Variants in FRMD6 observed in about 807,000 individuals in gnomAD.
The protein encoded by FRMD6 is FERM domain-containing protein 6.
Under a neutral mutation model 73.2 loss-of-function variants are expected in FRMD6, and 37 were observed. The ratio of observed to expected loss-of-function variants is 0.51; its 90% CI spans 0.39 to 0.66. The LOEUF is 0.66. FRMD6 is among the 30% of genes least tolerant of loss of function. The pLI, the probability that FRMD6 is intolerant of heterozygous loss-of-function variation, is 0.00. For synonymous variants in FRMD6, 273 were observed against 282.2 expected, an observed-to-expected ratio of 0.97 and a Z score of 0.33; for missense variants, 714 against 780.5, an observed-to-expected ratio of 0.91 and a Z score of 1.02.
the FRMD6 span, among the ~76,000 whole-genome samples, chr14:51,439,454 G>T: frequency 6.6e-6 from 1 of 151,958 alleles, no homozygotes; most frequent in Non-Finnish European, 1.5e-5. Context: ...TTTATTCCAA[G>T]TAGGTACGTC....
the FRMD6 span, among the ~76,000 whole-genome samples, chr14:51,470,569 A>G: frequency 6.6e-6 from 1 of 151,712 alleles, no homozygotes; most frequent in African/African-American, 2.4e-5. Flanking sequence ...TTGTCTGTCT[A>G]TTTTGGTTAT....
intron 2 of FRMD6, chr14:51,584,055 ATATACT>A (rs1052039130): frequency 1.3e-5 from 2 of 152,224 alleles, no homozygotes; most frequent in Non-Finnish European, 2.9e-5. Context: ...TAGTGCATTC[ATATACT>A]TATAACACTA....
At chr14:51,526,976 T>C (rs892658607) in intron 1 of FRMD6, among the ~76,000 whole-genome samples, 1 of 152,226 alleles carries the variant, frequency 6.6e-6, no homozygotes, top group Non-Finnish European at 1.5e-5. Context: ...TAGATGAGTA[T>C]GGGAATGATG....
chr14:51,488,572 C>G (rs1461599505), upstream of FRMD6, among the ~76,000 whole-genome samples: 3 of 152,192 alleles, frequency 2.0e-5, no homozygotes, highest in African/African-American at 7.2e-5. Context: ...AAACATGGAG[C>G]TTCTATAATG....
intron 4 of FRMD6, 40 bp downstream of exon 4, chr14:51,701,199 T>TA: frequency 8.1e-7 from 1 of 1,235,136 alleles, no homozygotes; most frequent in Non-Finnish European, 1.1e-6. Context: ...TTGATTTTTT[T>TA]TAAAAAATGT....
intron 2 of FRMD6, among the ~76,000 whole-genome samples, chr14:51,578,666 G>T (rs1888537501): frequency 6.6e-6 from 1 of 152,190 alleles, no homozygotes; most frequent in Non-Finnish European, 1.5e-5. Context: ...CAGGCACTAT[G>T]CTGTGTACTT....
chr14:51,628,546 T>C (rs1279459937), intron 2 of FRMD6, among the ~76,000 whole-genome samples: 1 of 152,038 alleles, frequency 6.6e-6, no homozygotes, highest in Non-Finnish European at 1.5e-5. Flanking sequence ...GGCTCACGTC[T>C]ATAATCCTGT....
At chr14:51,423,587 C>T in the FRMD6 span, among the ~76,000 whole-genome samples, 1 of 152,132 alleles carries the variant, frequency 6.6e-6, no homozygotes, top group South Asian at 2.1e-4. Context: ...GACACTGGCC[C>T]AGGTGGTTAA....
At position 51,635,458 on chromosome 14, in the gene FRMD6, A is replaced by G. The variant is rs139376578; in HGVS notation, c.-146-54233A>G. On this transcript the variant is annotated intron_variant, in intron 2 of 14. Coordinates refer to the FRMD6 transcript ENST00000356218. ...TTTCAGGGACCCAATGCCATTCTGAATTACAGGAGCCCAAGTACTGGCAAA... is the reference window on the plus strand; with the variant it reads ...TTTCAGGGACCCAATGCCATTCTGAGTTACAGGAGCCCAAGTACTGGCAAA... 1.5e-4 allele frequency among the ~76,000 whole-genome samples: 23 copies of G among 152,360 alleles called. No individual in the cohort carries two copies. In the East Asian group the frequency reaches 4.0e-3, roughly 27 times the overall value.
intron 1 of FRMD6, among the ~76,000 whole-genome samples, chr14:51,668,572 C>T (rs1376551217): frequency 6.6e-6 from 1 of 152,110 alleles, no homozygotes; most frequent in Non-Finnish European, 1.5e-5. Context: ...TCCCAAAGTG[C>T]TGGGATTACA....
At chr14:51,447,088 G>A in the FRMD6 span, among the ~76,000 whole-genome samples, 50 of 152,188 alleles carry the variant, frequency 3.3e-4, no homozygotes, top group Non-Finnish European at 1.5e-5. Context: ...TGCAGGCAGA[G>A]GTGTAGGACT....
intron 5 of FRMD6, among the ~76,000 whole-genome samples, chr14:51,704,227 A>AT (rs35746965): frequency 1.4e-4 from 21 of 152,194 alleles, no homozygotes; most frequent in African/African-American, 3.8e-4. Flanking sequence ...TGTTAAGCAA[A>AT]TTTTTTTCCA....
chr14:51,480,937 C>G, the FRMD6 span, among the ~76,000 whole-genome samples: 2 of 152,160 alleles, frequency 1.3e-5, no homozygotes, highest in Non-Finnish European at 2.9e-5. Flanking sequence ...CATTGTAACC[C>G]ATTGTTCAAT....
chr14:51,606,536 C>T (rs1368102892), intron 2 of FRMD6, among the ~76,000 whole-genome samples: 1 of 152,092 alleles, frequency 6.6e-6, no homozygotes, highest in African/African-American at 2.4e-5. Flanking sequence ...CTTAGGTGAC[C>T]CTGGCTCTCC....
the FRMD6 span, among the ~76,000 whole-genome samples, chr14:51,440,269 G>A: frequency 6.6e-6 from 1 of 152,172 alleles, no homozygotes; most frequent in Non-Finnish European, 1.5e-5. Flanking sequence ...TAAAAATACA[G>A]AGAAATTTAT....
chr14:51,459,701 C>T, the FRMD6 span, among the ~76,000 whole-genome samples: 1 of 151,542 alleles, frequency 6.6e-6, no homozygotes, highest in African/African-American at 2.4e-5. Context: ...GTGGCGGGTG[C>T]CTGTAGTCCC....
At chr14:51,409,340 C>CTTTTTTTTTT in the FRMD6 span, among the ~76,000 whole-genome samples, 1 of 84,142 alleles carries the variant, frequency 1.2e-5, no homozygotes, top group African/African-American at 4.8e-5. Context: ...AAGTTTTTTG[C>CTTTTTTTTTT]TTTTTTTTTT....
At chr14:51,603,012 T>A (rs7145472) in intron 2 of FRMD6, among the ~76,000 whole-genome samples, 89,744 of 152,006 alleles carry the variant, frequency 0.59, 26,701 homozygotes, top group African/African-American at 0.64. Flanking sequence ...AGGTATTAGG[T>A]GATGGGGTTT....
chr14:51,457,443 T>C, the FRMD6 span, among the ~76,000 whole-genome samples: 1 of 152,110 alleles, frequency 6.6e-6, no homozygotes, highest in South Asian at 2.1e-4. Context: ...AAAGTAGATA[T>C]GGGAAGCTAC....
Sources: allele counts gnomAD v4.1 joint callset (sites outside exome capture counted in the v4.1 genomes callset), GRCh38; gene constraint gnomAD v4.1.1; transcripts MANE v1.5; gene names NCBI Gene and HGNC (gene_info 2026-07-23, HGNC 2026-07-21).